Variants in ABI2 observed in about 807,000 individuals in gnomAD.
The protein encoded by ABI2 is abl interactor 2.
A neutral mutation model predicts 59.2 loss-of-function variants in ABI2; 25 were observed. The ratio of observed to expected loss-of-function variants is 0.42; its 90% CI spans 0.31 to 0.59. The LOEUF is 0.59. ABI2 is among the 20% of genes least tolerant of loss of function. The probability of loss-of-function intolerance (pLI) is 0.14; values close to 1 mark genes in which losing one functional copy is unlikely to be tolerated. For synonymous variants in ABI2, 213 were observed against 235.5 expected (o/e 0.90, Z 0.87); for missense variants, 545 against 681.8 (o/e 0.80, Z 2.23).
At chr2:203,395,115 G>T (rs1288349296) in intron 6 of ABI2, 1 of 703,462 alleles carries the variant, frequency 1.4e-6, no homozygotes, top group African/African-American at 1.7e-5. Context: ...TGGACCAAAT[G>T]TGGGAAATGT....
intron 1 of ABI2, among the ~76,000 whole-genome samples, chr2:203,335,243 TTTTATTTTATTAC>T (rs2075923122): frequency 6.6e-6 from 1 of 152,110 alleles, no homozygotes; most frequent in African/African-American, 2.4e-5. Flanking sequence ...ACTGAATTAT[TTTTATTTTATTAC>T]TTTATTTTAT....
rs185569880 is a variant in ABI2, at chr2:203,350,009, C to T, written c.118-16868C>T. On this transcript the variant is annotated intron_variant, in intron 1 of 11. Transcript: ENST00000261018. ...AGGTAGTTGCACTATTTTCCATTTC[C>T]ACCATCAGTGTGTGAGCGTTCCAGT... 3.4e-4 allele frequency among the ~76,000 whole-genome samples: 51 copies of T among 152,230 alleles called. No individual in the cohort carries two copies. The Middle Eastern group carries it at 0.014, about 41-fold the overall frequency.
chr2:203,411,440 C>T, intron 10 of ABI2, 69 bp downstream of exon 10: 1 of 1,206,092 alleles, frequency 8.3e-7, no homozygotes, highest in Non-Finnish European at 1.2e-6. Flanking sequence ...ATGTGATTGA[C>T]TGGATAGTCA....
intron 8 of ABI2, among the ~76,000 whole-genome samples, chr2:203,397,222 A>AT (rs1189850592): frequency 6.6e-6 from 1 of 152,080 alleles, no homozygotes; most frequent in Non-Finnish European, 1.5e-5. Flanking sequence ...TTTATTAGAG[A>AT]TTTTTAAGTT....
At chr2:203,418,172 G>A (rs1448196162) in intron 11 of ABI2, among the ~76,000 whole-genome samples, 1 of 152,202 alleles carries the variant, frequency 6.6e-6, no homozygotes, top group Non-Finnish European at 1.5e-5. Flanking sequence ...TGTAATTGGA[G>A]TCCCCAGGAG....
intron 1 of ABI2, among the ~76,000 whole-genome samples, chr2:203,360,088 G>C (rs1255254444): frequency 6.6e-6 from 1 of 150,444 alleles, no homozygotes; most frequent in East Asian, 2.0e-4. Context: ...AGGAGGCTGA[G>C]GCAGGAGAAT....
intron 1 of ABI2, among the ~76,000 whole-genome samples, chr2:203,355,811 A>T (rs1023518603): frequency 6.8e-6 from 1 of 148,020 alleles, no homozygotes; most frequent in Non-Finnish European, 1.5e-5. Context: ...AGCCTGGGCA[A>T]CAAGAGCAAA....
intron 4 of ABI2, among the ~76,000 whole-genome samples, chr2:203,385,566 A>G (rs1419382521): frequency 6.6e-6 from 1 of 152,220 alleles, no homozygotes; most frequent in Non-Finnish European, 1.5e-5. Context: ...GACTGTTTTC[A>G]CTTGAGTACT....
In ABI2 at chr2:203,374,671, T is replaced by G. The variant is rs2095561323; in HGVS notation, c.286-5537T>G. 5 of 334,436 alleles carry G rather than the reference T, an allele frequency of 1.5e-5. No homozygotes were observed. In the Admixed American group the frequency reaches 1.5e-4, roughly 10 times the overall value. 20.7% of individuals were successfully genotyped at this position (334,436 alleles called of 1,614,324 possible). ...AACTGAAAATTACTCTGTTAGTAAC[T>G]AATTTGTTTTATGAATGATACATAA... is the stretch of plus-strand genomic sequence containing the variant. On this transcript the variant is annotated intron_variant, in intron 2 of 11. Transcript: ENST00000261018.
At chr2:203,358,353 G>A (rs2092732498) in intron 1 of ABI2, among the ~76,000 whole-genome samples, 1 of 151,606 alleles carries the variant, frequency 6.6e-6, no homozygotes, top group South Asian at 2.1e-4. Flanking sequence ...TTTCTCTGTT[G>A]CCCAGGCTGA....
chr2:203,341,106 G>A (rs1031274080), intron 1 of ABI2, among the ~76,000 whole-genome samples: 4 of 152,108 alleles, frequency 2.6e-5, no homozygotes, highest in Admixed American at 6.6e-5. Flanking sequence ...GATACATCAC[G>A]TTCTTGATGA....
In ABI2 at chr2:203,395,700, G is replaced by A; in HGVS notation, c.770G>A (p.Ser257Asn). The A allele has an allele frequency of 1.2e-6, 2 of 1,612,590 alleles. No homozygotes were observed. Among genetic ancestry groups the A allele is most frequent in the East Asian group, 2.2e-5 (1 of 44,786 alleles). The change falls in exon 7 of 12, where the codon AGC (serine) becomes AAC (asparagine). Residue 257 changes from serine to asparagine, a missense_variant. Coordinates refer to ENST00000261018, the MANE Select transcript of ABI2 (RefSeq NM_001375670.1). ...SGGSHPSSRS[S>N]SRENSGSGSV... is the part of the protein sequence containing the mutation. ...GGGAGCCACCCAAGTAGTCGGAGCA[G>A]CAGTCGAGAGAACAGTGGAAGTGGT...
chr2:203,363,101 G>T (rs2093763999), intron 1 of ABI2, among the ~76,000 whole-genome samples: 1 of 152,136 alleles, frequency 6.6e-6, no homozygotes. Flanking sequence ...AAACTTTTGG[G>T]ATTACAGGTG....
intron 1 of ABI2, among the ~76,000 whole-genome samples, chr2:203,361,883 G>C (rs2093572565): frequency 6.6e-6 from 1 of 152,192 alleles, no homozygotes; most frequent in Non-Finnish European, 1.5e-5. Context: ...TCGAAATTTT[G>C]AGTGATTGTA....
intron 1 of ABI2, among the ~76,000 whole-genome samples, chr2:203,366,012 G>A (rs1442155581): frequency 2.0e-5 from 3 of 151,894 alleles, no homozygotes; most frequent in East Asian, 1.9e-4. Flanking sequence ...TTTACTTTTT[G>A]TGTTTTTTTC....
At chr2:203,328,691 C>A in intron 1 of ABI2, 60 bp downstream of exon 1, 1 of 1,262,350 alleles carries the variant, frequency 7.9e-7, no homozygotes, top group Non-Finnish European at 1.1e-6. Context: ...CCGCGCGCCT[C>A]GGGGCGTGGG....
intron 9 of ABI2, among the ~76,000 whole-genome samples, chr2:203,409,410 A>G (rs2097565584): frequency 6.6e-6 from 1 of 152,120 alleles, no homozygotes; most frequent in Admixed American, 6.6e-5. Context: ...CCCTGCATCT[A>G]TCCATAGCAT....
chr2:203,365,831 G>A (rs1157744490), intron 1 of ABI2, among the ~76,000 whole-genome samples: 5 of 151,524 alleles, frequency 3.3e-5, no homozygotes, highest in Admixed American at 2.0e-4. Flanking sequence ...GGGTTTCACC[G>A]TGTTAGCCAG....
rs534438456 is a variant in ABI2, at chr2:203,417,143, C to T, written c.1453+62C>T. The stretch of plus-strand genomic sequence containing the variant: ...AACCTCTACATAGAAATGAAATTTG[C>T]GGTACTGAAGAGAATCTTATTTTCT... On this transcript the variant is annotated intron_variant, in intron 11 of 11. Transcript: ENST00000261018. 2.6e-5 allele frequency: 36 copies of T among 1,386,942 alleles called. 1 individual carries two copies. Among genetic ancestry groups the T allele is most frequent in the Admixed American group, 1.9e-4 (8 of 41,098 alleles). The allele number at this position is 1,386,942 out of a possible 1,614,324, so 85.9% of individuals were successfully genotyped here. A position where few individuals can be genotyped will look rare whatever the true frequency, so the allele number is the denominator to read the frequency against.
Sources: gnomAD v4.1 joint callset for allele counts (sites outside exome capture counted in the v4.1 genomes callset) on GRCh38, gnomAD v4.1.1 for gene constraint, MANE v1.5 for transcripts, NCBI Gene and HGNC (gene_info 2026-07-23, HGNC 2026-07-21) for gene names.